FRYL: variants seen among roughly 807,000 people sequenced by gnomAD.
FRYL encodes the protein FRY like transcription coactivator.
Under a neutral mutation model 351.2 loss-of-function variants are expected in FRYL, and 150 were observed. The observed-to-expected ratio is 0.43, with a 90% confidence interval of 0.37 to 0.49. FRYL has a LOEUF of 0.49. Ranked by LOEUF, FRYL falls within the 20% of genes least tolerant of loss-of-function variation. The pLI is 0.00. For synonymous variants in FRYL, 1,153 were observed against 1,257.1 expected (o/e 0.92, Z 1.75); for missense variants, 3,036 against 3,619.3 (o/e 0.84, Z 4.13).
chr4:48,717,744 G>A (rs975678746), intron 1 of FRYL, among the ~76,000 whole-genome samples: 3 of 151,178 alleles, frequency 2.0e-5, no homozygotes, highest in Non-Finnish European at 4.4e-5. Context: ...GTCTTGTTGT[G>A]TTGCCCAGAC....
intron 3 of FRYL, among the ~76,000 whole-genome samples, chr4:48,675,652 A>G (rs1243394843): frequency 1.3e-5 from 2 of 152,136 alleles, no homozygotes. Flanking sequence ...GTGTGGCCCT[A>G]GCCTCCCCGA....
At chr4:48,742,671 A>T in intron 1 of FRYL, among the ~76,000 whole-genome samples, 1 of 152,134 alleles carries the variant, frequency 6.6e-6, no homozygotes, top group East Asian at 1.9e-4. Context: ...GAACAAAATA[A>T]AGTGCTCTCA....
chr4:48,706,417 T>C (rs1456827772), intron 2 of FRYL, among the ~76,000 whole-genome samples: 2 of 152,172 alleles, frequency 1.3e-5, no homozygotes, highest in Admixed American at 1.3e-4. Flanking sequence ...AACTGCATGA[T>C]TCCACTTATG....
At chr4:48,755,920 A>G (rs567058607) in intron 1 of FRYL, among the ~76,000 whole-genome samples, 14 of 151,942 alleles carry the variant, frequency 9.2e-5, no homozygotes, top group African/African-American at 3.1e-4. Context: ...TCTGTCCTCA[A>G]CATCAAAAAT....
In FRYL at chr4:48,510,919, T is replaced by C. The variant is rs1722339773; in HGVS notation, c.8211A>G (p.Gln2737=). ...EAVSFLGDSL[Q]RIGTKFKSSL... ...AACTTTTAAATTTGGTACCAATGCG[T>C]TGCAGACTATCACCAAGAAAGCTGA... is the stretch of plus-strand genomic sequence containing the variant. Residue 2737 remains glutamine (Q), a synonymous_variant, in exon 58 of 64, where the codon CAA becomes CAG. Coordinates refer to ENST00000358350, the MANE Select transcript of FRYL (RefSeq NM_015030.2). 6.2e-7 allele frequency: 1 copy of C among 1,612,446 alleles called. No homozygotes were observed. Among genetic ancestry groups the C allele is most frequent in the Non-Finnish European group, 8.5e-7 (1 of 1,178,552 alleles).
intron 23 of FRYL, among the ~76,000 whole-genome samples, chr4:48,578,469 T>C (rs1740159688): frequency 6.6e-6 from 1 of 152,208 alleles, no homozygotes; most frequent in African/African-American, 2.4e-5. Context: ...ATAATGACCT[T>C]GGTCAACTCT....
chr4:48,613,954 CAA>C (rs35519906), intron 7 of FRYL, among the ~76,000 whole-genome samples: 12 of 115,028 alleles, frequency 1.0e-4, no homozygotes, highest in Non-Finnish European at 1.3e-4. Context: ...TGACTCCAAC[CAA>C]AAAAAAAAAA....
chr4:48,567,381 G>T lies in FRYL; in HGVS notation c.3036C>A (p.Asn1012Lys). 1 of 1,607,936 alleles carries T rather than the reference G, an allele frequency of 6.2e-7. No individual in the cohort carries two copies. The change falls in exon 28 of 64, where the codon AAC becomes AAA. Residue 1012 changes from asparagine (N) to lysine (K), a missense_variant. This residue lies in a region of FRYL where 492 missense variants were observed against 551.5 expected (regional missense o/e 0.89). Coordinates refer to ENST00000358350, the MANE Select transcript of FRYL (RefSeq NM_015030.2). This position sits in a 1 kb window ranked among gnomAD's most constrained non-coding sequence, Gnocchi z 4.2. ...AATCTACATATTCCAATAAAGTGTT[G>T]TTGAGAAAATGTGTTTCATTATCAA... is the stretch of plus-strand genomic sequence containing the variant. ...GGLDNETHFL[N>K]NTLLEYVDLT...
chr4:48,684,365 G>A (rs1764953057), intron 3 of FRYL, among the ~76,000 whole-genome samples: 1 of 152,060 alleles, frequency 6.6e-6, no homozygotes, highest in African/African-American at 2.4e-5. Flanking sequence ...AAGCCCCCTC[G>A]TTATAGGTGT....
intron 1 of FRYL, among the ~76,000 whole-genome samples, chr4:48,732,385 A>G (rs1770820017): frequency 6.6e-6 from 1 of 152,206 alleles, no homozygotes; most frequent in Non-Finnish European, 1.5e-5. Flanking sequence ...TCAAGGATCT[A>G]GTACTAGAAA....
intron 6 of FRYL, 107 bp downstream of exon 6, chr4:48,620,532 C>T (rs753640354): frequency 5.8e-5 from 64 of 1,108,274 alleles, no homozygotes; most frequent in Middle Eastern, 2.2e-4. Context: ...AAGTAATCAA[C>T]GCAGTTTGCT....
At chr4:48,590,946 A>G in intron 16 of FRYL, 116 bp from the exon 17 acceptor site, 1 of 701,912 alleles carries the variant, frequency 1.4e-6, no homozygotes, top group Non-Finnish European at 2.3e-6. Flanking sequence ...AGGAAGATAG[A>G]AGGAACACTA....
chr4:48,532,033 G>A (rs1251163195), intron 49 of FRYL, among the ~76,000 whole-genome samples: 1 of 152,098 alleles, frequency 6.6e-6, no homozygotes, highest in Non-Finnish European at 1.5e-5. Context: ...AGATGTATAT[G>A]TAGAGAACAG....
At chr4:48,749,421 C>T (rs1773026585) in intron 1 of FRYL, among the ~76,000 whole-genome samples, 1 of 152,168 alleles carries the variant, frequency 6.6e-6, no homozygotes, top group Admixed American at 6.5e-5. Context: ...AAAAATGACC[C>T]ACTGGTAAAC....
intron 49 of FRYL, among the ~76,000 whole-genome samples, chr4:48,532,936 A>T (rs1266753727): frequency 1.3e-5 from 2 of 152,206 alleles, no homozygotes; most frequent in Non-Finnish European, 2.9e-5. Context: ...ATTTATAAAG[A>T]AATCTGGAAA....
rs528664388 is a variant in FRYL, at chr4:48,565,703, A to T, written c.3170-12T>A. The T allele has an allele frequency of 6.2e-7, 1 of 1,601,534 alleles. No homozygotes were observed. Among genetic ancestry groups the T allele is most frequent in the African/African-American group, 1.3e-5 (1 of 74,170 alleles). On this transcript the variant is annotated splice_polypyrimidine_tract_variant and intron_variant, in intron 28 of 63. Transcript: ENST00000358350. ...TCTTCTCTGGTGCACTGTGAATAAA[A>T]AAAGATAGAAAACATTTATTTCCAT... is the stretch of plus-strand genomic sequence containing the variant.
chr4:48,615,437 A>G (rs1489888667), intron 7 of FRYL, among the ~76,000 whole-genome samples: 5 of 152,244 alleles, frequency 3.3e-5, no homozygotes, highest in Admixed American at 2.0e-4. Flanking sequence ...CTCACAAACT[A>G]GGTTTCTCAA....
chr4:48,779,338 C>G lies in FRYL; in HGVS notation c.-384+740G>C, dbSNP rs547743895. ...GCCGAGTCAGCTCGCGGGCGGTGGC[C>G]GCGGTGTCCGCAGGGCTGGCTCCGG... On this transcript the variant is annotated intron_variant, in intron 1 of 63. Coordinates refer to ENST00000358350, the MANE Select transcript of FRYL (RefSeq NM_015030.2). Among the ~76,000 whole-genome samples the G allele has an allele frequency of 1.6e-3, 242 of 152,330 alleles. 1 individual carries two copies. The highest frequency in any genetic ancestry group is 5.6e-3 in the African/African-American group (234 of 41,584).
intron 1 of FRYL, among the ~76,000 whole-genome samples, chr4:48,764,421 C>T (rs370623847): frequency 8.6e-5 from 13 of 151,330 alleles, no homozygotes; most frequent in African/African-American, 2.7e-4. Flanking sequence ...GTCCCAGCTA[C>T]GTGGGAGGCT....
Sources: allele counts gnomAD v4.1 joint callset (sites outside exome capture counted in the v4.1 genomes callset), GRCh38; gene constraint gnomAD v4.1.1; regional missense constraint gnomAD v4.1.1; non-coding constraint Gnocchi (gnomAD v3.1); transcripts MANE v1.5; gene names NCBI Gene and HGNC (gene_info 2026-07-23, HGNC 2026-07-21).